WNK1: variants seen among roughly 807,000 people sequenced by gnomAD.
WNK1 encodes the protein WNK lysine deficient protein kinase 1.
Under a neutral mutation model 222.8 loss-of-function variants are expected in WNK1, and 38 were observed. The observed-to-expected ratio is 0.17, with a 90% CI of 0.13 to 0.22. WNK1 has a LOEUF of 0.22. Ranked by LOEUF, WNK1 falls within the 10% of genes least tolerant of loss-of-function variation. The pLI is 1.00. For synonymous variants in WNK1, 1,090 were observed against 1,092.9 expected (o/e 1.00, Z 0.05); for missense variants, 2,348 against 2,918.4 (o/e 0.80, Z 4.50).
chr12:786,516 G>A (rs1466833541), intron 1 of WNK1, among the ~76,000 whole-genome samples: 1 of 143,896 alleles, frequency 6.9e-6, no homozygotes, highest in African/African-American at 2.6e-5. Context: ...TGCCCAGGCT[G>A]GAGTGCAGTG....
chr12:843,473 C>T (rs6489754), intron 4 of WNK1, among the ~76,000 whole-genome samples: 110,478 of 152,142 alleles, frequency 0.73, 40,437 homozygotes, highest in East Asian at 0.87. Flanking sequence ...TAAAAACTTA[C>T]TGAGAAGAGG....
At chr12:830,285 T>C in intron 4 of WNK1, 125 bp downstream of exon 4, 3 of 1,102,112 alleles carry the variant, frequency 2.7e-6, no homozygotes, top group Non-Finnish European at 2.7e-6. Context: ...CTGTTGGGGT[T>C]GGGGGGGTGG....
intron 4 of WNK1, among the ~76,000 whole-genome samples, chr12:844,997 G>A (rs1413579226): frequency 7.2e-6 from 1 of 139,354 alleles, no homozygotes; most frequent in Non-Finnish European, 1.5e-5. Flanking sequence ...CCGGGTTCAC[G>A]CCATTCTCCT....
chr12:867,975 G>T (rs745567966), intron 8 of WNK1: 3 of 1,613,828 alleles, frequency 1.9e-6, no homozygotes, highest in Non-Finnish European at 2.5e-6. Context: ...CCTCCCACCT[G>T]CCCACCGAAA....
chr12:901,859 A>C (rs1048512733), intron 26 of WNK1, among the ~76,000 whole-genome samples: 1 of 152,184 alleles, frequency 6.6e-6, no homozygotes, highest in Non-Finnish European at 1.5e-5. Context: ...ATTTCAATGT[A>C]ACTTTCTGGT....
chr12:798,688 TTAAG>T (rs1945574980), intron 1 of WNK1, among the ~76,000 whole-genome samples: 1 of 152,202 alleles, frequency 6.6e-6, no homozygotes, highest in South Asian at 2.1e-4. Context: ...GAATACATAT[TTAAG>T]TGTCTTGCTA....
In WNK1 at chr12:753,876, A is replaced by G; in HGVS notation, c.311A>G (p.Gln104Arg). The G allele has an allele frequency of 6.2e-7, 1 of 1,612,262 alleles. No individual in the cohort carries two copies. Among genetic ancestry groups the G allele is most frequent in the Non-Finnish European group, 8.5e-7 (1 of 1,179,804 alleles). ...ELPGLPLSLP[Q>R]PSIPAAVPQS... The stretch of plus-strand genomic sequence containing the variant: ...CCCGGCCTTCCTCTTTCCCTGCCCC[A>G]GCCCAGCATCCCCGCGGCTGTCCCG... Residue 104 changes from glutamine to arginine, a missense_variant, in exon 1 of 28, where the codon CAG (glutamine) becomes CGG (arginine). By Grantham distance (43) the Gln-to-Arg change is conservative. This residue lies in a region of WNK1 where 185 missense variants were observed against 159.2 expected (regional missense o/e 1.16). Transcript: ENST00000315939. This position sits in a 1 kb window ranked among gnomAD's most constrained non-coding sequence, Gnocchi z 5.2.
rs1954577717 is a variant in WNK1 at position 894,612 on chromosome 12, G to A, written c.5560G>A (p.Val1854Ile). ...CCTAGCAACTAGTTCAGGAGCTGGT[G>A]TTTTTAAGATGGGACGATTTCAGGT... ...PVLATSSGAGVFKMGRFQVSV... is the reference protein window; with the variant it reads ...PVLATSSGAGIFKMGRFQVSV... The change falls in exon 23 of 28, where the codon GTT becomes ATT. Residue 1854 changes from valine (V) to isoleucine (I), a missense_variant. Physicochemically the swap from Val to Ile is conservative, Grantham distance 29 (BLOSUM62 3). Transcript: ENST00000315939. 1.2e-6 allele frequency: 2 copies of A among 1,613,926 alleles called. No homozygotes were observed. Among genetic ancestry groups the A allele is most frequent in the South Asian group, 1.1e-5 (1 of 91,078 alleles).
At position 760,038 on chromosome 12, in the gene WNK1, A is replaced by G. The variant is rs958316267; in HGVS notation, c.759+5714A>G. Among the ~76,000 whole-genome samples, 20 of 147,822 alleles carry G rather than the reference A, an allele frequency of 1.4e-4. 1 individual carries two copies. Among genetic ancestry groups the G allele is most frequent in the Non-Finnish European group, 2.7e-4 (18 of 66,134 alleles). On this transcript the variant is annotated intron_variant, in intron 1 of 27. Coordinates refer to ENST00000315939, the MANE Select transcript of WNK1 (RefSeq NM_018979.4). ...AGCAAAACTTAACTACTGTTCTTGG[A>G]GGAGGAGGAAAGCAGGTATTGATCT... is the stretch of plus-strand genomic sequence containing the variant.
intron 5 of WNK1, among the ~76,000 whole-genome samples, chr12:858,836 T>A (rs1208320680): frequency 6.6e-6 from 1 of 152,176 alleles, no homozygotes; most frequent in Admixed American, 6.5e-5. Flanking sequence ...ACTTATAAAA[T>A]GCTATATAAA....
intron 1 of WNK1, among the ~76,000 whole-genome samples, chr12:798,068 G>A (rs1026701156): frequency 1.3e-5 from 2 of 151,978 alleles, no homozygotes; most frequent in African/African-American, 2.4e-5. Flanking sequence ...AAAATCAATT[G>A]TGTCTGGCTG....
chr12:818,097 G>C (rs991997063), intron 2 of WNK1, among the ~76,000 whole-genome samples: 1 of 152,150 alleles, frequency 6.6e-6, no homozygotes, highest in Non-Finnish European at 1.5e-5. Flanking sequence ...ACAATGTTTT[G>C]TAAGTACCAC....
chr12:906,452 T>C, intron 26 of WNK1: 2 of 985,318 alleles, frequency 2.0e-6, no homozygotes, highest in Non-Finnish European at 2.4e-6. Flanking sequence ...TGCATTTTCT[T>C]GTCGCTTCTA....
chr12:782,735 C>A (rs1383971940), intron 1 of WNK1, among the ~76,000 whole-genome samples: 1 of 151,890 alleles, frequency 6.6e-6, no homozygotes, highest in East Asian at 1.9e-4. Flanking sequence ...AACTCCTGAC[C>A]TGAAGTGATC....
rs1949283513 is a variant in WNK1 at position 837,552 on chromosome 12, T to C, written c.1311+7392T>C. ...TCACGCCATTGCACTCCTGCCTGGG[T>C]GACAGAGTGAGACCCTGTCTAAAAA... On this transcript the variant is annotated intron_variant, in intron 4 of 27. Transcript: ENST00000315939. Among the ~76,000 whole-genome samples, 3 of 137,942 alleles carry C rather than the reference T, an allele frequency of 2.2e-5. No homozygotes were observed. In the Admixed American group the frequency reaches 2.4e-4, roughly 11 times the overall value. The allele number at this position is 137,942 out of a possible 152,430, so 90.5% of individuals were successfully genotyped here. A position where few individuals can be genotyped will look rare whatever the true frequency, so the allele number is the denominator to read the frequency against.
rs568378675 is a variant in WNK1, at chr12:843,125, G to A, written c.1311+12965G>A. Among the ~76,000 whole-genome samples the A allele has an allele frequency of 3.1e-3, 475 of 152,136 alleles. 1 individual carries two copies. The highest frequency in any genetic ancestry group is 5.1e-3 in the Non-Finnish European group (348 of 68,000). On this transcript the variant is annotated intron_variant, in intron 4 of 27. Transcript: ENST00000315939. Reference sequence around the variant, plus strand: ...TAATTTTTGTATTTTTAGTTAAAACGGGGGTTTTACCGTGTTAGTCAGGCT... The same window carrying A: ...TAATTTTTGTATTTTTAGTTAAAACAGGGGTTTTACCGTGTTAGTCAGGCT...
chr12:906,262 A>G, intron 26 of WNK1: 1 of 965,170 alleles, frequency 1.0e-6, no homozygotes, highest in Non-Finnish European at 1.2e-6. Flanking sequence ...AACAGACAAG[A>G]CCATGACTCT....
rs889291166 is a variant in WNK1, at chr12:753,428, C to G, written c.-138C>G. 3 of 1,150,452 alleles carry G rather than the reference C, an allele frequency of 2.6e-6. No homozygotes were observed. The highest frequency in any genetic ancestry group is 3.7e-6 in the Non-Finnish European group (3 of 813,958). 71.3% of individuals were successfully genotyped at this position (1,150,452 alleles called of 1,614,324 possible). A position where few individuals can be genotyped will look rare whatever the true frequency, so the allele number is the denominator to read the frequency against. ...TGTCCCTCGTTGCGGCTTGTCGGTG[C>G]TGAGTGAGGCGTCGTCCGGGTCGGC... On this transcript the variant is annotated 5_prime_UTR_variant, in exon 1 of 28. Transcript: ENST00000315939. This position sits in a 1 kb window ranked among gnomAD's most constrained non-coding sequence, Gnocchi z 5.2.
At chr12:771,715 A>C (rs928581957) in intron 1 of WNK1, among the ~76,000 whole-genome samples, 1 of 152,108 alleles carries the variant, frequency 6.6e-6, no homozygotes. Flanking sequence ...GATTACAGGC[A>C]TGAGCCTCTG....
Sources: allele counts gnomAD v4.1 joint callset (sites outside exome capture counted in the v4.1 genomes callset), GRCh38; gene constraint gnomAD v4.1.1; regional missense constraint gnomAD v4.1.1; non-coding constraint Gnocchi (gnomAD v3.1); transcripts MANE v1.5; gene names NCBI Gene and HGNC (gene_info 2026-07-23, HGNC 2026-07-21).